Variants in MYO1G observed in about 807,000 individuals in gnomAD.
The protein encoded by MYO1G is unconventional myosin-Ig.
A neutral mutation model predicts 115.3 loss-of-function variants in MYO1G; 65 were observed. That is an observed-to-expected ratio of 0.56 (90% CI 0.46 to 0.69). MYO1G has a LOEUF of 0.69. Among genes scored for constraint, MYO1G ranks in the 30% least tolerant of loss-of-function variants. The pLI is 0.00. For synonymous variants in MYO1G, 510 were observed against 552.6 expected, an observed-to-expected ratio of 0.92 and a Z score of 1.08; for missense variants, 1,204 against 1,393.5, an observed-to-expected ratio of 0.86 and a Z score of 2.16.
intron 12 of MYO1G, among the ~76,000 whole-genome samples, chr7:44,968,338 T>C (rs1794885844): frequency 6.6e-6 from 1 of 152,164 alleles, no homozygotes; most frequent in Admixed American, 6.5e-5. Flanking sequence ...TGAATTTTGA[T>C]AAACATCAGC....
At chr7:44,967,987 C>CA in intron 12 of MYO1G, 29 bp from the exon 13 acceptor site, 1 of 1,606,462 alleles carries the variant, frequency 6.2e-7, no homozygotes, top group Non-Finnish European at 8.5e-7. Flanking sequence ...GGTGAGGGAG[C>CA]AGGGGCGGGG....
intron 12 of MYO1G, chr7:44,968,892 G>C: frequency 6.2e-6 from 1 of 162,066 alleles, no homozygotes; most frequent in Non-Finnish European, 1.4e-5. Context: ...AAGTTCTCAT[G>C]AAACACTTAT....
rs1195392512 is a variant in MYO1G at position 44,966,629 on chromosome 7, A to G, written c.1949+43T>C. 1 of 1,611,118 alleles carries G rather than the reference A, an allele frequency of 6.2e-7. No individual in the cohort carries two copies. Among genetic ancestry groups the G allele is most frequent in the Non-Finnish European group, 8.5e-7 (1 of 1,178,726 alleles). On this transcript the variant is annotated intron_variant, in intron 15 of 21. Coordinates refer to ENST00000258787, the MANE Select transcript of MYO1G (RefSeq NM_033054.3). The surrounding 1 kb of genome is among the most constrained non-coding windows in gnomAD (Gnocchi z 5.0). Reference sequence around the variant, plus strand: ...TGCTCCTACCCCTTGGACTCCACACAGGGACTATGGCCCATGGAGTGATGG... The same window carrying G: ...TGCTCCTACCCCTTGGACTCCACACGGGGACTATGGCCCATGGAGTGATGG...
chr7:44,976,231 A>T (rs1330905993), intron 3 of MYO1G, among the ~76,000 whole-genome samples: 1 of 152,160 alleles, frequency 6.6e-6, no homozygotes, highest in Non-Finnish European at 1.5e-5. Flanking sequence ...GTTTCCATGG[A>T]ATCTGCCTGC....
At chr7:44,972,445 C>T (rs1479930360) in intron 5 of MYO1G, 32 of 530,092 alleles carry the variant, frequency 6.0e-5, no homozygotes, top group Middle Eastern at 1.0e-3. Flanking sequence ...GCTATGACTC[C>T]ACCATGAAGT....
chr7:44,969,223 C>T lies in MYO1G; in HGVS notation c.1574+190G>A. ...TGCAGCCATGGTTAACCACTATCCTCAAACCCTGTTTCCTGCTCTTCACTT... is the reference window on the plus strand; with the variant it reads ...TGCAGCCATGGTTAACCACTATCCTTAAACCCTGTTTCCTGCTCTTCACTT... On this transcript the variant is annotated intron_variant, in intron 12 of 21. Transcript: ENST00000258787. This position sits in a 1 kb window ranked among gnomAD's most constrained non-coding sequence, Gnocchi z 5.0. The T allele has an allele frequency of 1.6e-6, 1 of 635,050 alleles. No individual in the cohort carries two copies. The highest frequency in any genetic ancestry group is 2.9e-6 in the Non-Finnish European group (1 of 350,602). 39.3% of individuals were successfully genotyped at this position (635,050 alleles called of 1,614,324 possible).
chr7:44,966,172 A>G lies in MYO1G; in HGVS notation c.2058T>C (p.Phe686=), dbSNP rs1486507372. ...EQHGLQGDVA[F]GHSKLFIRSP... ...AGCGGATGAACAGCTTGCTGTGGCCAAAGGCCACGTCCCCCTGCAGCCCGT... is the reference window on the plus strand; with the variant it reads ...AGCGGATGAACAGCTTGCTGTGGCCGAAGGCCACGTCCCCCTGCAGCCCGT... The change falls in exon 16 of 22, where the codon TTT becomes TTC. Residue 686 remains phenylalanine (F), a synonymous_variant. Coordinates refer to ENST00000258787, the MANE Select transcript of MYO1G (RefSeq NM_033054.3). The surrounding 1 kb of genome is among the most constrained non-coding windows in gnomAD (Gnocchi z 5.0). The G allele has an allele frequency of 5.0e-6, 8 of 1,612,774 alleles. No individual in the cohort carries two copies. The South Asian group carries it at 8.8e-5, about 18-fold the overall frequency.
chr7:44,964,177 G>A lies in MYO1G; in HGVS notation c.2632-15C>T. 1.3e-6 allele frequency: 2 copies of A among 1,569,036 alleles called. No individual in the cohort carries two copies. The highest frequency in any genetic ancestry group is 1.7e-6 in the Non-Finnish European group (2 of 1,155,596). On this transcript the variant is annotated splice_polypyrimidine_tract_variant and intron_variant, in intron 19 of 21. Coordinates refer to ENST00000258787, the MANE Select transcript of MYO1G (RefSeq NM_033054.3). The surrounding 1 kb of genome is among the most constrained non-coding windows in gnomAD (Gnocchi z 5.1). ...AAGCGGTTCACCTGTGGGAGAGGTGGCTGGACCCAGGCTGGTGCTGCCCTG... is the reference window on the plus strand; with the variant it reads ...AAGCGGTTCACCTGTGGGAGAGGTGACTGGACCCAGGCTGGTGCTGCCCTG...
chr7:44,972,364 AAC>A (rs1289863129), intron 5 of MYO1G, 139 bp from the exon 6 acceptor site: 3 of 662,300 alleles, frequency 4.5e-6, no homozygotes, highest in Non-Finnish European at 8.1e-6. Flanking sequence ...AGACAGTGTG[AAC>A]AGTTTCTGTG....
rs755972612 is a variant in MYO1G at position 44,965,650 on chromosome 7, C to T, written c.2368G>A (p.Ala790Thr). The change falls in exon 17 of 22, where the codon GCA becomes ACA. Residue 790 changes from alanine to threonine, a missense_variant. Transcript: ENST00000258787. ...VLQPFQDTCHALFCRWRARQL... is the reference protein window; with the variant it reads ...VLQPFQDTCHTLFCRWRARQL... ...TGAGAGTAGTACCTGCAGAAGAGTG[C>T]GTGGCAGGTGTCCTGGAAGGGCTGC... 2.4e-5 allele frequency: 38 copies of T among 1,613,138 alleles called. No homozygotes were observed. The East Asian group carries it at 4.7e-4, about 20-fold the overall frequency.
In MYO1G at chr7:44,963,651, A is replaced by C. The variant is rs538915842; in HGVS notation, c.2745+398T>G. The C allele has an allele frequency of 4.6e-6, 1 of 219,056 alleles. No homozygotes were observed. Among genetic ancestry groups the C allele is most frequent in the South Asian group, 1.0e-4 (1 of 9,936 alleles). The allele number at this position is 219,056 out of a possible 1,614,324, so 13.6% of individuals were successfully genotyped here. Reference sequence around the variant, plus strand: ...AACAGCAGCTGCTAATGAAGGGAGCAAGTAGGCCACAGAGCTCGGCAGAAG... The same window carrying C: ...AACAGCAGCTGCTAATGAAGGGAGCCAGTAGGCCACAGAGCTCGGCAGAAG... On this transcript the variant is annotated intron_variant, in intron 20 of 21. Transcript: ENST00000258787. The surrounding 1 kb of genome is among the most constrained non-coding windows in gnomAD (Gnocchi z 4.1).
rs1487446255 is a variant in MYO1G, at chr7:44,969,699, G to A, written c.1503+6C>T. ...ACTGTGGTGGCACTGGGACAGCCGG[G>A]GGCACCTGGCGGCTGGTGTAGTGTA... On this transcript the variant is annotated splice_donor_region_variant and intron_variant, in intron 11 of 21. Coordinates refer to ENST00000258787, the MANE Select transcript of MYO1G (RefSeq NM_033054.3). This position sits in a 1 kb window ranked among gnomAD's most constrained non-coding sequence, Gnocchi z 5.0. The A allele has an allele frequency of 6.2e-7, 1 of 1,610,848 alleles. No individual in the cohort carries two copies. Among genetic ancestry groups the A allele is most frequent in the Non-Finnish European group, 8.5e-7 (1 of 1,179,814 alleles).
Position 44,977,058 on chromosome 7 carries a change from G to C in MYO1G, c.109C>G (p.Arg37Gly). ...ACCTCACCGATGTAGGTGTAGATGC[G>C]GCCCTTCTCGAACCTGGACACAGCA... The part of the protein sequence containing the change: ...RNLQLRFEKG[R>G]IYTYIGEVLV... Residue 37 changes from arginine (R) to glycine (G), a missense_variant, in exon 2 of 22, where the codon CGC becomes GGC. Transcript: ENST00000258787. 1 of 1,612,322 alleles carries C rather than the reference G, an allele frequency of 6.2e-7. No individual in the cohort carries two copies. Among genetic ancestry groups the C allele is most frequent in the Middle Eastern group, 1.7e-4 (1 of 6,044 alleles).
Position 44,975,232 on chromosome 7 carries a change from GGA to G in MYO1G, c.565-7_565-6del. Reference sequence around the variant, plus strand: ...GTGCTGCTTGAGGACCCGAGACTGAGGAGAGAGGGGCAGATGGACTCAGGCCT... The same window carrying G: ...GTGCTGCTTGAGGACCCGAGACTGAGGAGAGGGGCAGATGGACTCAGGCCT... On this transcript the variant is annotated splice_region_variant and splice_polypyrimidine_tract_variant and intron_variant, in intron 4 of 21. Coordinates refer to ENST00000258787, the MANE Select transcript of MYO1G (RefSeq NM_033054.3). 6.2e-7 allele frequency: 1 copy of G among 1,614,064 alleles called. No homozygotes were observed. The highest frequency in any genetic ancestry group is 8.5e-7 in the Non-Finnish European group (1 of 1,179,988).
Position 44,967,592 on chromosome 7 carries a change from G to C in MYO1G, c.1782+13C>G. The C allele has an allele frequency of 6.2e-7, 1 of 1,613,754 alleles. No homozygotes were observed. Among genetic ancestry groups the C allele is most frequent in the Non-Finnish European group, 8.5e-7 (1 of 1,180,014 alleles). ...ATCCGGAACAGCCAGAGTGGGAGAGGGGTGGAACATACCTTGGAGGCAAGG... is the reference window on the plus strand; with the variant it reads ...ATCCGGAACAGCCAGAGTGGGAGAGCGGTGGAACATACCTTGGAGGCAAGG... On this transcript the variant is annotated intron_variant, in intron 14 of 21. Coordinates refer to ENST00000258787, the MANE Select transcript of MYO1G (RefSeq NM_033054.3).
intron 5 of MYO1G, chr7:44,973,911 C>T (rs912423012): frequency 6.6e-6 from 1 of 150,862 alleles, no homozygotes; most frequent in Non-Finnish European, 1.5e-5. Context: ...TGTGGAGACG[C>T]CCTCTGTGTT....
chr7:44,966,439 C>T lies in MYO1G; in HGVS notation c.1950-159G>A. The T allele has an allele frequency of 1.2e-6, 1 of 818,970 alleles. No individual in the cohort carries two copies. The highest frequency in any genetic ancestry group is 2.0e-6 in the Non-Finnish European group (1 of 491,836). The allele number at this position is 818,970 out of a possible 1,614,324, so 50.7% of individuals were successfully genotyped here. A position where few individuals can be genotyped will look rare whatever the true frequency, so the allele number is the denominator to read the frequency against. On this transcript the variant is annotated intron_variant, in intron 15 of 21. Coordinates refer to ENST00000258787, the MANE Select transcript of MYO1G (RefSeq NM_033054.3). This position sits in a 1 kb window ranked among gnomAD's most constrained non-coding sequence, Gnocchi z 5.0. Reference sequence around the variant, plus strand: ...ATATGTCTTCCCATACACATGTCCTCACATACATGTCCTCACACAGCCCTC... The same window carrying T: ...ATATGTCTTCCCATACACATGTCCTTACATACATGTCCTCACACAGCCCTC...
chr7:44,969,028 C>T lies in MYO1G; in HGVS notation c.1574+385G>A, dbSNP rs1322791338. 2 of 232,202 alleles carry T rather than the reference C, an allele frequency of 8.6e-6. No individual in the cohort carries two copies. Among genetic ancestry groups the T allele is most frequent in the Non-Finnish European group, 1.8e-5 (2 of 114,000 alleles). The allele number at this position is 232,202 out of a possible 1,614,324, so 14.4% of individuals were successfully genotyped here. The stretch of plus-strand genomic sequence containing the variant: ...TGGGAGCGTGGTCCAAGTATGGTAG[C>T]GAGGCCTCACCTGGGAGCTTGTTAG... On this transcript the variant is annotated intron_variant, in intron 12 of 21. Coordinates refer to ENST00000258787, the MANE Select transcript of MYO1G (RefSeq NM_033054.3). The surrounding 1 kb of genome is among the most constrained non-coding windows in gnomAD (Gnocchi z 5.0).
In MYO1G at chr7:44,966,089, A is replaced by ACAATGATG. The variant is rs1463599296; in HGVS notation, c.2133_2140dup (p.Val714AlafsTer23). On this transcript the variant is annotated frameshift_variant, in exon 16 of 22. Transcript: ENST00000258787. LOFTEE classifies it high-confidence loss of function. The surrounding 1 kb of genome is among the most constrained non-coding windows in gnomAD (Gnocchi z 5.0). ...CCACCTCACCTTCTGCAATAGCAGC[A>ACAATGATG]CAATGATGGGGATGAGGCGGGCTCG... 2 of 1,612,672 alleles carry ACAATGATG rather than the reference A, an allele frequency of 1.2e-6. No individual in the cohort carries two copies. The highest frequency in any genetic ancestry group is 4.5e-5 in the East Asian group (2 of 44,876).
Sources: gnomAD v4.1 joint callset for allele counts (sites outside exome capture counted in the v4.1 genomes callset) on GRCh38, gnomAD v4.1.1 for gene constraint, Gnocchi (gnomAD v3.1) non-coding constraint, MANE v1.5 for transcripts, NCBI Gene and HGNC (gene_info 2026-07-23, HGNC 2026-07-21) for gene names.